AGBL4: variants seen among roughly 807,000 people sequenced by gnomAD.
AGBL4 encodes the protein AGBL carboxypeptidase 4, also known as cytosolic carboxypeptidase 6.
A neutral mutation model predicts 66.4 loss-of-function variants in AGBL4; 58 were observed. The ratio of observed to expected loss-of-function variants is 0.87; its 90% confidence interval spans 0.71 to 1.09. The LOEUF (loss-of-function observed/expected upper bound fraction) is 1.09. AGBL4 is among the 50% of genes least tolerant of loss of function. The probability of loss-of-function intolerance (pLI) is 0.00; values close to 1 mark genes in which losing one functional copy is unlikely to be tolerated. For missense variants in AGBL4, 579 were observed against 631.0 expected (o/e 0.92, Z 0.88); for synonymous variants, 234 against 222.9 (o/e 1.05, Z -0.44).
chr1:48,574,991 G>A (rs978801402), intron 11 of AGBL4, among the ~76,000 whole-genome samples: 1 of 152,132 alleles, frequency 6.6e-6, no homozygotes, highest in East Asian at 1.9e-4. Context: ...AGATGACCAT[G>A]TCCTACACGT....
At chr1:49,181,594 T>C (rs533824721) in intron 4 of AGBL4, among the ~76,000 whole-genome samples, 8 of 152,296 alleles carry the variant, frequency 5.3e-5, no homozygotes, top group Non-Finnish European at 1.2e-4. Context: ...TTAAATGAGA[T>C]AATGCATTTA....
intron 3 of AGBL4, among the ~76,000 whole-genome samples, chr1:49,360,506 C>A (rs935930420): frequency 1.3e-5 from 2 of 152,084 alleles, no homozygotes; most frequent in African/African-American, 2.4e-5. Context: ...AAGTCCTAAG[C>A]ACATGATATT....
intron 2 of AGBL4, among the ~76,000 whole-genome samples, chr1:49,810,933 C>A (rs934629791): frequency 6.6e-6 from 1 of 152,090 alleles, no homozygotes; most frequent in African/African-American, 2.4e-5. Context: ...TGAACTAAGA[C>A]AATCACAGTA....
chr1:48,821,484 A>C (rs958530018), intron 6 of AGBL4, among the ~76,000 whole-genome samples: 3 of 152,210 alleles, frequency 2.0e-5, no homozygotes, highest in Non-Finnish European at 4.4e-5. Flanking sequence ...AAGTGAAATA[A>C]CTCAGAAACA....
chr1:49,757,753 G>A (rs1044010585), intron 2 of AGBL4, among the ~76,000 whole-genome samples: 8 of 152,132 alleles, frequency 5.3e-5, no homozygotes, highest in African/African-American at 1.7e-4. Flanking sequence ...TCTGGCAGAA[G>A]AAATTTCTAA....
At chr1:49,820,653 T>C (rs958847396) in intron 2 of AGBL4, among the ~76,000 whole-genome samples, 1 of 152,168 alleles carries the variant, frequency 6.6e-6, no homozygotes, top group Non-Finnish European at 1.5e-5. Flanking sequence ...TCAAAGGGTC[T>C]CAACTAGCTA....
intron 6 of AGBL4, 55 bp from the exon 7 acceptor site, chr1:48,663,296 G>A: frequency 1.3e-6 from 2 of 1,569,858 alleles, no homozygotes; most frequent in Non-Finnish European, 1.8e-6. Context: ...GCTGAGTCTA[G>A]TGGTTGGTGT....
chr1:49,252,196 A>C (rs957974299), intron 3 of AGBL4, among the ~76,000 whole-genome samples: 1 of 152,130 alleles, frequency 6.6e-6, no homozygotes, highest in Non-Finnish European at 1.5e-5. Context: ...CAAAATAACC[A>C]GTATAGAAAA....
intron 6 of AGBL4, among the ~76,000 whole-genome samples, chr1:48,734,900 A>C (rs1648774016): frequency 6.6e-6 from 1 of 152,170 alleles, no homozygotes; most frequent in Non-Finnish European, 1.5e-5. Context: ...TACTTTCTTT[A>C]TGAAGACATG....
At chr1:48,978,586 C>G (rs998411624) in intron 5 of AGBL4, among the ~76,000 whole-genome samples, 1 of 152,176 alleles carries the variant, frequency 6.6e-6, no homozygotes, top group African/African-American at 2.4e-5. Context: ...ATAACTCCCA[C>G]TTGTTCCTTT....
intron 5 of AGBL4, among the ~76,000 whole-genome samples, chr1:48,904,647 A>G (rs1652410744): frequency 6.6e-6 from 1 of 152,220 alleles, no homozygotes; most frequent in African/African-American, 2.4e-5. Flanking sequence ...CATATGTAAA[A>G]TGGGGATATA....
At chr1:49,107,603 C>T (rs563715321) in intron 4 of AGBL4, among the ~76,000 whole-genome samples, 1 of 151,692 alleles carries the variant, frequency 6.6e-6, no homozygotes, top group East Asian at 1.9e-4. Context: ...CTGTTCTACA[C>T]ATAAAGACTT....
intron 5 of AGBL4, among the ~76,000 whole-genome samples, chr1:48,930,191 A>C (rs1557472096): frequency 6.6e-6 from 1 of 152,002 alleles, no homozygotes; most frequent in Non-Finnish European, 1.5e-5. Flanking sequence ...AAAAGATTAG[A>C]CACGTGTAAG....
rs1413785084 is a variant in AGBL4 at position 49,637,856 on chromosome 1, T to C, written c.282+59457A>G. 9.2e-5 allele frequency among the ~76,000 whole-genome samples: 14 copies of C among 151,946 alleles called. No individual in the cohort carries two copies. In the South Asian group the frequency reaches 2.5e-3, roughly 27 times the overall value. ...GTTTGCCATAGAATGCAAAGAAAAA[T>C]GGTTAACACCAGTAATACATAATGA... On this transcript the variant is annotated intron_variant, in intron 3 of 13. Transcript: ENST00000371839.
In AGBL4 at chr1:49,427,749, C is replaced by A. The variant is rs192812910; in HGVS notation, c.283-181885G>T. Among the ~76,000 whole-genome samples, 94 of 152,316 alleles carry A rather than the reference C, an allele frequency of 6.2e-4. 1 individual carries two copies. Among genetic ancestry groups the A allele is most frequent in the Non-Finnish European group, 8.8e-5 (6 of 68,036 alleles). On this transcript the variant is annotated intron_variant, in intron 3 of 13. Transcript: ENST00000371839. ...GAAGAACAAAAGAAGAAAGTTTCCACGGCGCAGAATGGGACCTGAGCAGGT... is the reference window on the plus strand; with the variant it reads ...GAAGAACAAAAGAAGAAAGTTTCCAAGGCGCAGAATGGGACCTGAGCAGGT...
At chr1:49,809,426 T>C (rs1312425644) in intron 2 of AGBL4, among the ~76,000 whole-genome samples, 1 of 151,814 alleles carries the variant, frequency 6.6e-6, no homozygotes, top group Non-Finnish European at 1.5e-5. Context: ...CCAGTGCTAT[T>C]GGAATGCAGT....
chr1:49,973,846 T>C (rs1211573642), intron 1 of AGBL4, among the ~76,000 whole-genome samples: 1 of 151,688 alleles, frequency 6.6e-6, no homozygotes, highest in Admixed American at 6.6e-5. Flanking sequence ...TTTATTGAAT[T>C]TTCTGTACTG....
chr1:48,898,027 G>A (rs1288714299), intron 5 of AGBL4, among the ~76,000 whole-genome samples: 4 of 151,906 alleles, frequency 2.6e-5, no homozygotes, highest in African/African-American at 7.3e-5. Context: ...TGGCCAGGAT[G>A]GTCTCGATCT....
chr1:49,608,591 A>C (rs1322804490), intron 3 of AGBL4, among the ~76,000 whole-genome samples: 1 of 151,102 alleles, frequency 6.6e-6, no homozygotes, highest in Non-Finnish European at 1.5e-5. Context: ...GGCATTATGA[A>C]TCATAGAAGG....
Sources: allele counts gnomAD v4.1 joint callset (sites outside exome capture counted in the v4.1 genomes callset), GRCh38; gene constraint gnomAD v4.1.1; transcripts MANE v1.5; gene names NCBI Gene and HGNC (gene_info 2026-07-23, HGNC 2026-07-21).